The following KCNT2 variants were observed in gnomAD, a reference collection of about 807,000 sequenced individuals.
The protein encoded by KCNT2 is potassium channel subfamily T member 2.
A neutral mutation model predicts 153.8 loss-of-function variants in KCNT2; 67 were observed. The observed-to-expected ratio is 0.44, with a 90% CI of 0.36 to 0.53. The LOEUF is 0.53. KCNT2 is among the 20% of genes least tolerant of loss of function. The probability of loss-of-function intolerance (pLI) is 0.00; values close to 1 mark genes in which losing one functional copy is unlikely to be tolerated. For synonymous variants in KCNT2, 500 were observed against 458.8 expected, an observed-to-expected ratio of 1.09 and a Z score of -1.15; for missense variants, 975 against 1,354.8, an observed-to-expected ratio of 0.72 and a Z score of 4.40.
At chr1:196,392,120 A>G (rs1416452561) in intron 13 of KCNT2, among the ~76,000 whole-genome samples, 1 of 151,352 alleles carries the variant, frequency 6.6e-6, no homozygotes, top group African/African-American at 2.4e-5. Context: ...ATGCGTACAA[A>G]GAGATTAGTC....
intron 13 of KCNT2, among the ~76,000 whole-genome samples, chr1:196,377,104 C>T (rs894832585): frequency 6.6e-6 from 1 of 151,798 alleles, no homozygotes; most frequent in Non-Finnish European, 1.5e-5. Flanking sequence ...AGAGGAGTGA[C>T]GTTTATTGGT....
chr1:196,560,694 T>G (rs867708826), intron 1 of KCNT2, among the ~76,000 whole-genome samples: 4 of 109,886 alleles, frequency 3.6e-5, no homozygotes, highest in African/African-American at 5.1e-5. Flanking sequence ...TGATATGATG[T>G]TTTTTCTTCC....
intron 25 of KCNT2, among the ~76,000 whole-genome samples, chr1:196,259,204 T>G (rs555420766): frequency 7.9e-4 from 121 of 152,240 alleles, no homozygotes; most frequent in Admixed American, 5.9e-4. Context: ...CAACTCAGAC[T>G]TAAAACAGGC....
chr1:196,475,823 T>C (rs1278141065), intron 5 of KCNT2, among the ~76,000 whole-genome samples: 2 of 152,196 alleles, frequency 1.3e-5, no homozygotes, highest in Non-Finnish European at 2.9e-5. Context: ...ATCCTTCTAC[T>C]GTCACATAAC....
chr1:196,355,627 T>C (rs1667112019), intron 14 of KCNT2, among the ~76,000 whole-genome samples: 1 of 151,788 alleles, frequency 6.6e-6, no homozygotes, highest in African/African-American at 2.4e-5. Flanking sequence ...TGGTTTCTCC[T>C]TCAATAACTC....
intron 6 of KCNT2, 52 bp downstream of exon 6, chr1:196,468,942 T>C (rs1677844367): frequency 9.6e-7 from 1 of 1,046,808 alleles, no homozygotes; most frequent in Non-Finnish European, 1.5e-6. Flanking sequence ...TTTAAATATT[T>C]TACTTAAGTC....
chr1:196,492,637 G>T (rs1338597332), intron 1 of KCNT2, among the ~76,000 whole-genome samples: 3 of 152,080 alleles, frequency 2.0e-5, no homozygotes, highest in Admixed American at 2.0e-4. Context: ...AATATAATGA[G>T]TGGCATGGAT....
intron 1 of KCNT2, among the ~76,000 whole-genome samples, chr1:196,505,527 A>G (rs1558018936): frequency 6.6e-6 from 1 of 151,410 alleles, no homozygotes; most frequent in Non-Finnish European, 1.5e-5. Context: ...TGATGCCTCC[A>G]GCTTTGTTCT....
At chr1:196,583,043 G>A (rs1043559538) in intron 1 of KCNT2, among the ~76,000 whole-genome samples, 2 of 152,014 alleles carry the variant, frequency 1.3e-5, no homozygotes, top group African/African-American at 2.4e-5. Flanking sequence ...AGGTGGAGTG[G>A]GATGTCTTCA....
chr1:196,540,148 G>A (rs1043546707), intron 1 of KCNT2, among the ~76,000 whole-genome samples: 1 of 151,996 alleles, frequency 6.6e-6, no homozygotes, highest in Admixed American at 6.6e-5. Flanking sequence ...ATCACTCTTA[G>A]TAGTTTTTAA....
At chr1:196,452,343 A>T (rs975913486) in intron 8 of KCNT2, among the ~76,000 whole-genome samples, 2 of 151,952 alleles carry the variant, frequency 1.3e-5, no homozygotes, top group Non-Finnish European at 2.9e-5. Flanking sequence ...TTATTGCCAT[A>T]TGCCTCTCAT....
At chr1:196,436,292 A>C (rs1366195327) in intron 8 of KCNT2, among the ~76,000 whole-genome samples, 2 of 151,654 alleles carry the variant, frequency 1.3e-5, no homozygotes, top group Non-Finnish European at 3.0e-5. Context: ...GTAATTATTC[A>C]AGTAAAATAT....
chr1:196,459,061 T>G (rs376270131), intron 8 of KCNT2, among the ~76,000 whole-genome samples: 2 of 151,834 alleles, frequency 1.3e-5, no homozygotes, highest in Non-Finnish European at 2.9e-5. Context: ...AAGAGTCCCA[T>G]GAAACATACG....
Position 196,228,246 on chromosome 1 carries a change from G to A in KCNT2, c.3386C>T (p.Ser1129Phe), listed in dbSNP as rs758510104. 6.2e-7 allele frequency: 1 copy of A among 1,607,750 alleles called. No individual in the cohort carries two copies. Among genetic ancestry groups the A allele is most frequent in the African/African-American group, 1.3e-5 (1 of 74,786 alleles). Residue 1129 changes from serine (S) to phenylalanine (F), a missense_variant, in exon 28 of 28, where the codon TCT becomes TTT. Ser to Phe is a radical substitution (Grantham distance 155). Around this residue, in one of 6 missense-constraint regions of KCNT2, gnomAD observed 241 missense variants for 271.1 expected, o/e 0.89. Transcript: ENST00000294725. The stretch of plus-strand genomic sequence containing the variant: ...TTATCAAAGTTGAGTTTCCTCCCGA[G>A]AATCTTGACCAGTGACATTGCAGAT... ...NSICNVTGQD[S>F]REETQL is the part of the protein sequence containing the mutation.
intron 21 of KCNT2, among the ~76,000 whole-genome samples, chr1:196,306,496 T>TA (rs964553157): frequency 2.6e-5 from 4 of 152,136 alleles, no homozygotes; most frequent in African/African-American, 9.7e-5. Context: ...GACGAGTTTT[T>TA]ACCTTTCCTC....
intron 12 of KCNT2, among the ~76,000 whole-genome samples, chr1:196,409,721 G>T (rs1030184241): frequency 6.6e-6 from 1 of 151,478 alleles, no homozygotes; most frequent in Non-Finnish European, 1.5e-5. Context: ...TGTTTATTTT[G>T]ATTTCTTGCC....
intron 1 of KCNT2, among the ~76,000 whole-genome samples, chr1:196,520,492 A>C (rs1404589733): frequency 6.6e-6 from 1 of 152,000 alleles, no homozygotes; most frequent in Non-Finnish European, 1.5e-5. Context: ...AGGGCATCTA[A>C]ATAGGAAGAC....
intron 8 of KCNT2, among the ~76,000 whole-genome samples, chr1:196,430,533 G>T (rs1442595521): frequency 6.6e-6 from 1 of 151,678 alleles, no homozygotes; most frequent in Non-Finnish European, 1.5e-5. Flanking sequence ...CTTGATCTTG[G>T]ATTCCCAGCC....
At chr1:196,253,518 G>T (rs762873708) in intron 26 of KCNT2, among the ~76,000 whole-genome samples, 1 of 151,412 alleles carries the variant, frequency 6.6e-6, no homozygotes, top group Non-Finnish European at 1.5e-5. Context: ...TGTTTCTGTT[G>T]ATTTATTTTT....
Sources: allele counts gnomAD v4.1 joint callset (sites outside exome capture counted in the v4.1 genomes callset), GRCh38; gene constraint gnomAD v4.1.1; regional missense constraint gnomAD v4.1.1; transcripts MANE v1.5; gene names NCBI Gene and HGNC (gene_info 2026-07-23, HGNC 2026-07-21).